The following CLVS1 variants were observed in gnomAD, a reference collection of about 807,000 sequenced individuals.
CLVS1 encodes clavesin-1.
CLVS1 carries 10 observed loss-of-function variants against 33.1 expected under a neutral mutation model. The observed-to-expected ratio is 0.30, with a 90% CI of 0.19 to 0.51. The LOEUF (loss-of-function observed/expected upper bound fraction) is 0.51. Ranked by LOEUF, CLVS1 falls within the 20% of genes least tolerant of loss-of-function variation. The probability of loss-of-function intolerance (pLI) is 0.97; values close to 1 mark genes in which losing one functional copy is unlikely to be tolerated. For synonymous variants in CLVS1, 163 were observed against 166.1 expected (o/e 0.98, Z 0.14); for missense variants, 343 against 433.4 (o/e 0.79, Z 1.85).
chr8:61,173,201 T>G (rs1224532126), intron 2 of CLVS1, among the ~76,000 whole-genome samples: 1 of 152,216 alleles, frequency 6.6e-6, no homozygotes, highest in African/African-American at 2.4e-5. Context: ...GTGGCTTTGG[T>G]GCAATTCAGA....
intron 2 of CLVS1, among the ~76,000 whole-genome samples, chr8:61,354,781 G>A (rs1563512398): frequency 6.6e-6 from 1 of 152,046 alleles, no homozygotes; most frequent in Non-Finnish European, 1.5e-5. Context: ...CAAAATTTTA[G>A]AAATGAAGAA....
chr8:61,228,588 A>G (rs1173498941), intron 2 of CLVS1, among the ~76,000 whole-genome samples: 2 of 152,154 alleles, frequency 1.3e-5, no homozygotes, highest in East Asian at 3.8e-4. Context: ...ATTTCATGTA[A>G]TCTTTGTTTT....
chr8:61,499,468 G>A lies in CLVS1; in HGVS notation c.991G>A (p.Val331Ile). 2.5e-6 allele frequency: 4 copies of A among 1,612,984 alleles called. No individual in the cohort carries two copies. The highest frequency in any genetic ancestry group is 3.4e-6 in the Non-Finnish European group (4 of 1,179,070). Residue 331 changes from valine (V) to isoleucine (I), a missense_variant, in exon 6 of 6, where the codon GTA (valine) becomes ATA (isoleucine). By Grantham distance (29) the Val-to-Ile change is conservative (BLOSUM62 3). Coordinates refer to ENST00000325897, the MANE Select transcript of CLVS1 (RefSeq NM_173519.3). Reference protein sequence around the residue: ...PKLMKRSQSVVEAGTLKHEEK... With the variant: ...PKLMKRSQSVIEAGTLKHEEK... ...CCCTCTTGTTAGATCTCAGTCTGTG[G>A]TAGAAGCTGGGACCCTGAAACATGA...
intron 2 of CLVS1, among the ~76,000 whole-genome samples, chr8:61,260,282 A>G (rs893393357): frequency 3.3e-5 from 5 of 152,226 alleles, no homozygotes; most frequent in African/African-American, 9.6e-5. Context: ...AAGCTTGCTT[A>G]TTTAAATTAA....
chr8:61,079,410 CCACTTT>C (rs1804982142), intron 1 of CLVS1, among the ~76,000 whole-genome samples: 1 of 152,144 alleles, frequency 6.6e-6, no homozygotes, highest in East Asian at 1.9e-4. Flanking sequence ...AAACTGCAAT[CCACTTT>C]TTGGAAGTTA....
intron 2 of CLVS1, among the ~76,000 whole-genome samples, chr8:61,235,217 A>G (rs1476391443): frequency 6.6e-6 from 1 of 152,234 alleles, no homozygotes; most frequent in East Asian, 1.9e-4. Context: ...TGAGCAGAAC[A>G]CAAAACTGTC....
intron 1 of CLVS1, among the ~76,000 whole-genome samples, chr8:61,102,117 A>C (rs1442465411): frequency 6.6e-6 from 1 of 152,196 alleles, no homozygotes; most frequent in African/African-American, 2.4e-5. Context: ...TCAGCTTGTC[A>C]AATTTCTTTA....
At chr8:61,095,990 G>C (rs546859579) in intron 1 of CLVS1, among the ~76,000 whole-genome samples, 1 of 152,324 alleles carries the variant, frequency 6.6e-6, no homozygotes, top group South Asian at 2.1e-4. Context: ...AGAGGAAACA[G>C]AGAAGAGTCA....
At chr8:61,295,868 T>C (rs978430995) in intron 1 of CLVS1, among the ~76,000 whole-genome samples, 4 of 152,088 alleles carry the variant, frequency 2.6e-5, no homozygotes, top group African/African-American at 9.7e-5. Flanking sequence ...CTGTAGTCTA[T>C]AAAAAGAGAA....
At chr8:61,184,700 T>C (rs6471935) in intron 2 of CLVS1, among the ~76,000 whole-genome samples, 115,849 of 152,002 alleles carry the variant, frequency 0.76, 45,248 homozygotes, top group Middle Eastern at 0.93. Context: ...AAACAAAAGA[T>C]GCCAGGAAGT....
chr8:61,165,496 C>G (rs1298033643), intron 2 of CLVS1, among the ~76,000 whole-genome samples: 1 of 152,110 alleles, frequency 6.6e-6, no homozygotes, highest in Non-Finnish European at 1.5e-5. Flanking sequence ...CTGTTTTTGC[C>G]TAATTAGTAT....
chr8:61,419,328 C>T (rs143700603), intron 3 of CLVS1, among the ~76,000 whole-genome samples: 3,468 of 142,262 alleles, frequency 0.024, 146 homozygotes, highest in African/African-American at 0.09. Context: ...ACCCAGGAGG[C>T]GAAAGTTGCA....
the CLVS1 span, among the ~76,000 whole-genome samples, chr8:61,014,160 G>T: frequency 6.6e-6 from 1 of 150,640 alleles, no homozygotes; most frequent in Admixed American, 6.6e-5. Flanking sequence ...CATCCAGGGA[G>T]CATGGAGGTT....
At chr8:61,304,781 C>T (rs1008843498) in intron 2 of CLVS1, among the ~76,000 whole-genome samples, 28 of 152,002 alleles carry the variant, frequency 1.8e-4, no homozygotes, top group Middle Eastern at 3.2e-3. Context: ...AGGGACACAT[C>T]GGTTTTTTTT....
intron 3 of CLVS1, among the ~76,000 whole-genome samples, chr8:61,379,465 A>G (rs932941957): frequency 4.6e-5 from 7 of 151,032 alleles, no homozygotes; most frequent in Non-Finnish European, 5.9e-5. Context: ...AGACAGCCCA[A>G]TCTTTAGGCA....
At chr8:61,317,358 G>A (rs1811050366) in intron 2 of CLVS1, among the ~76,000 whole-genome samples, 1 of 152,128 alleles carries the variant, frequency 6.6e-6, no homozygotes, top group Admixed American at 6.5e-5. Flanking sequence ...TTTCCTGAGG[G>A]GAGGAGTCCT....
chr8:61,318,759 T>C (rs1216726100), intron 2 of CLVS1, among the ~76,000 whole-genome samples: 3 of 152,076 alleles, frequency 2.0e-5, no homozygotes, highest in Admixed American at 2.0e-4. Flanking sequence ...TTAAGCCATA[T>C]CTGGTCCTTT....
chr8:61,328,499 G>A (rs1811467190), intron 2 of CLVS1, among the ~76,000 whole-genome samples: 1 of 151,974 alleles, frequency 6.6e-6, no homozygotes, highest in Admixed American at 6.6e-5. Flanking sequence ...TATATTACCA[G>A]CTGTCCCCTT....
At chr8:61,012,713 C>A in the CLVS1 span, among the ~76,000 whole-genome samples, 1 of 152,216 alleles carries the variant, frequency 6.6e-6, no homozygotes, top group Admixed American at 6.5e-5. Context: ...TGTGCTCCCC[C>A]GCTCTTTCCA....
Sources: allele counts gnomAD v4.1 joint callset (sites outside exome capture counted in the v4.1 genomes callset), GRCh38; gene constraint gnomAD v4.1.1; transcripts MANE v1.5; gene names NCBI Gene and HGNC (gene_info 2026-07-23, HGNC 2026-07-21).